SVEP1: variants seen among roughly 807,000 people sequenced by gnomAD.
SVEP1 encodes the protein sushi, von Willebrand factor type A, EGF and pentraxin domain-containing protein 1.
SVEP1 carries 164 observed loss-of-function variants against 367.3 expected under a neutral mutation model. That is an observed-to-expected ratio of 0.45 (90% CI 0.39 to 0.51). The LOEUF (loss-of-function observed/expected upper bound fraction) is 0.51. SVEP1 is among the 20% of genes least tolerant of loss of function. SVEP1 has a pLI of 0.00. For synonymous variants in SVEP1, 1,666 were observed against 1,611.6 expected (o/e 1.03, Z -0.81); for missense variants, 4,117 against 4,425.3 (o/e 0.93, Z 1.98).
At chr9:110,505,157 ACAT>A (rs1389437052) in intron 5 of SVEP1, among the ~76,000 whole-genome samples, 1 of 152,136 alleles carries the variant, frequency 6.6e-6, no homozygotes, top group East Asian at 1.9e-4. Context: ...CCTCAACATT[ACAT>A]CAGAGAAGCT....
intron 3 of SVEP1, among the ~76,000 whole-genome samples, chr9:110,537,712 T>C (rs368964207): frequency 2.6e-5 from 4 of 151,946 alleles, no homozygotes; most frequent in African/African-American, 9.7e-5. Context: ...TTTTAGTAGG[T>C]ATATTTGAAA....
chr9:110,543,592 G>C (rs563276009), intron 3 of SVEP1, among the ~76,000 whole-genome samples: 3 of 152,302 alleles, frequency 2.0e-5, no homozygotes, highest in South Asian at 4.1e-4. Flanking sequence ...CCTGCTGCTT[G>C]TCCCCTGGGA....
chr9:110,381,813 T>C (rs984602896), intron 43 of SVEP1, among the ~76,000 whole-genome samples: 3 of 152,208 alleles, frequency 2.0e-5, no homozygotes. Flanking sequence ...TATTATTGTG[T>C]AAATGTCAAA....
intron 5 of SVEP1, among the ~76,000 whole-genome samples, chr9:110,510,063 T>A (rs1724301142): frequency 6.6e-6 from 1 of 152,166 alleles, no homozygotes; most frequent in Non-Finnish European, 1.5e-5. Flanking sequence ...GATAGAAAAA[T>A]GCAGTGATGC....
At chr9:110,429,658 G>A (rs183666441) in intron 34 of SVEP1, among the ~76,000 whole-genome samples, 3 of 151,968 alleles carry the variant, frequency 2.0e-5, no homozygotes, top group East Asian at 1.9e-4. Flanking sequence ...TCATTAGCTA[G>A]GAGCATCCAC....
In SVEP1 at chr9:110,459,062, G is replaced by T; in HGVS notation, c.3374C>A (p.Pro1125Gln). ...AGGTTGGTAATAGTCACGAGGACAT[G>T]GGTGACAGGGCATTAACCCAGAACG... is the stretch of plus-strand genomic sequence containing the variant. ...FSRSGLMPCHPCPRDYYQPNA... is the reference protein window; with the variant it reads ...FSRSGLMPCHQCPRDYYQPNA... The change falls in exon 19 of 48, where the codon CCA becomes CAA. Residue 1125 changes from proline to glutamine, a missense_variant. Pro to Gln is a moderately conservative substitution (Grantham distance 76, BLOSUM62 -1). Around this residue, in one of 4 missense-constraint regions of SVEP1, gnomAD observed 2,174 missense variants for 2,494.3 expected, o/e 0.87. Transcript: ENST00000374469. The T allele has an allele frequency of 6.2e-7, 1 of 1,613,834 alleles. No individual in the cohort carries two copies. The highest frequency in any genetic ancestry group is 1.1e-5 in the South Asian group (1 of 91,074).
At chr9:110,533,347 T>C (rs112447518) in intron 3 of SVEP1, among the ~76,000 whole-genome samples, 3 of 152,312 alleles carry the variant, frequency 2.0e-5, no homozygotes, top group African/African-American at 4.8e-5. Context: ...CCTACTATTA[T>C]TAACCACATT....
intron 3 of SVEP1, among the ~76,000 whole-genome samples, chr9:110,528,154 GTGTATATA>G (rs1356999437): frequency 2.3e-4 from 6 of 25,704 alleles, no homozygotes; most frequent in African/African-American, 4.8e-4. Flanking sequence ...GTGTGTGTGT[GTGTATATA>G]TATATATATA....
chr9:110,454,787 T>C (rs1288972735), intron 22 of SVEP1, among the ~76,000 whole-genome samples: 2 of 151,996 alleles, frequency 1.3e-5, no homozygotes, highest in Admixed American at 6.6e-5. Context: ...ATAGGAACAA[T>C]AGATGCTGGA....
At chr9:110,369,696 C>A (rs1827248799) in intron 47 of SVEP1, 1 of 506,954 alleles carries the variant, frequency 2.0e-6, no homozygotes, top group African/African-American at 1.9e-5. Context: ...CTGAAGTGAG[C>A]ACAAGACTGC....
At chr9:110,374,711 C>T (rs976160906) in intron 46 of SVEP1, among the ~76,000 whole-genome samples, 5 of 152,088 alleles carry the variant, frequency 3.3e-5, no homozygotes, top group African/African-American at 4.8e-5. Context: ...AAAGGGAACA[C>T]TTATACACTG....
rs919552619 is a variant in SVEP1 at position 110,456,694 on chromosome 9, AT to A, written c.3673+561del. On this transcript the variant is annotated intron_variant, in intron 21 of 47. Coordinates refer to ENST00000374469, the MANE Select transcript of SVEP1 (RefSeq NM_153366.4). ...TAATTGCAATTTTAAGGTATAGTTC[AT>A]TTCCCCTCAAAAATTATGTTTCTGG... is the stretch of plus-strand genomic sequence containing the variant. Among the ~76,000 whole-genome samples the A allele has an allele frequency of 7.4e-4, 113 of 152,224 alleles. 1 individual carries two copies. The highest frequency in any genetic ancestry group is 2.7e-3 in the African/African-American group (110 of 41,466).
rs41306700 is a variant in SVEP1 at position 110,369,893 on chromosome 9, T to C, written c.10694+30A>G. ...CTTGAATTTTAGAGTCTTCATGTTA[T>C]AGGCGAACATTAGTTTTTGGTTATC... On this transcript the variant is annotated intron_variant, in intron 47 of 47. Transcript: ENST00000374469. 1.0e-3 allele frequency: 1,613 copies of C among 1,583,824 alleles called. 2 individuals carry two copies. Among genetic ancestry groups the C allele is most frequent in the Non-Finnish European group, 1.2e-3 (1,431 of 1,157,442 alleles).
At chr9:110,519,872 T>A (rs1461928412) in intron 3 of SVEP1, among the ~76,000 whole-genome samples, 1 of 152,148 alleles carries the variant, frequency 6.6e-6, no homozygotes, top group Admixed American at 6.5e-5. Context: ...GTGACTTTTT[T>A]TTTCTTTCAC....
Position 110,407,569 on chromosome 9 carries a change from A to G in SVEP1, c.8031T>C (p.Tyr2677=). The change falls in exon 38 of 48, where the codon TAT becomes TAC. Residue 2677 remains tyrosine (Y), a synonymous_variant. Transcript: ENST00000374469. ...TACAGGTGTATGAAACCATGGTACC[A>G]TACAGAAAGTTTGATGAATGTGTAG... ...SPATHSSNFL[Y]GTMVSYTCNP... The G allele has an allele frequency of 1.9e-6, 3 of 1,614,034 alleles. No individual in the cohort carries two copies. The highest frequency in any genetic ancestry group is 1.7e-5 in the Admixed American group (1 of 60,030).
At chr9:110,570,984 T>TC (rs1283907911) in intron 1 of SVEP1, among the ~76,000 whole-genome samples, 20 of 85,938 alleles carry the variant, frequency 2.3e-4, no homozygotes, top group Non-Finnish European at 4.2e-4. Flanking sequence ...TTTTTTTTTT[T>TC]TTTTTTTTTT....
Position 110,385,953 on chromosome 9 carries a change from G to T in SVEP1, c.10182C>A (p.Gly3394=), listed in dbSNP as rs565505574. Reference sequence around the variant, plus strand: ...TCTCGTCGGGGTTGCAGGTAATGATGCCGTGGCCCTGCAGCAGAAAACCTT... The same window carrying T: ...TCTCGTCGGGGTTGCAGGTAATGATTCCGTGGCCCTGCAGCAGAAAACCTT... The part of the protein sequence containing the change: ...CREGFLLQGH[G]IITCNPDETW... The change falls in exon 43 of 48, where the codon GGC becomes GGA. Residue 3394 remains glycine, a synonymous_variant. Transcript: ENST00000374469. The T allele has an allele frequency of 7.1e-5, 114 of 1,613,956 alleles. 1 individual carries two copies. In the South Asian group the frequency reaches 1.1e-3, roughly 16 times the overall value.
At chr9:110,429,446 A>AT (rs1023531066) in intron 34 of SVEP1, 112 bp from the exon 35 acceptor site, 18 of 783,514 alleles carry the variant, frequency 2.3e-5, no homozygotes, top group Middle Eastern at 2.8e-4. Flanking sequence ...GGAAAAGTTG[A>AT]TTTTTTTTCC....
chr9:110,464,856 T>G (rs1366224414), intron 18 of SVEP1, among the ~76,000 whole-genome samples: 3 of 152,208 alleles, frequency 2.0e-5, no homozygotes, highest in Admixed American at 1.3e-4. Context: ...TTCTATTGAC[T>G]TTGCAAATTA....
Sources: allele counts gnomAD v4.1 joint callset (sites outside exome capture counted in the v4.1 genomes callset), GRCh38; gene constraint gnomAD v4.1.1; regional missense constraint gnomAD v4.1.1; transcripts MANE v1.5; gene names NCBI Gene and HGNC (gene_info 2026-07-23, HGNC 2026-07-21).